The following FILIP1L variants were observed in gnomAD, a reference collection of about 807,000 sequenced individuals.
The protein encoded by FILIP1L is filamin A-interacting protein 1-like.
A neutral mutation model predicts 96.6 loss-of-function variants in FILIP1L; 55 were observed. That is an observed-to-expected ratio of 0.57 (90% CI 0.46 to 0.71). FILIP1L has a LOEUF of 0.71. Ranked by LOEUF, FILIP1L falls within the 30% of genes least tolerant of loss-of-function variation. FILIP1L has a pLI of 0.00. For synonymous variants in FILIP1L, 467 were observed against 473.9 expected (o/e 0.99, Z 0.19); for missense variants, 1,304 against 1,321.2 (o/e 0.99, Z 0.20).
At chr3:100,027,073 T>A (rs900606506) in intron 1 of FILIP1L, among the ~76,000 whole-genome samples, 1 of 152,166 alleles carries the variant, frequency 6.6e-6, no homozygotes, top group Non-Finnish European at 1.5e-5. Context: ...TGCATCCCTT[T>A]GCTTAAATGT....
At chr3:99,846,028 A>G (rs1301997142) in intron 5 of FILIP1L, among the ~76,000 whole-genome samples, 3 of 152,240 alleles carry the variant, frequency 2.0e-5, no homozygotes, top group African/African-American at 7.2e-5. Flanking sequence ...ACTTTATTAT[A>G]GAGAATTTCT....
chr3:99,853,659 G>A (rs1943815373), intron 4 of FILIP1L, among the ~76,000 whole-genome samples: 1 of 152,146 alleles, frequency 6.6e-6, no homozygotes. Flanking sequence ...TCTTTTTCAT[G>A]GTTTTTGTAA....
chr3:100,064,606 G>A (rs913041991), intron 1 of FILIP1L, among the ~76,000 whole-genome samples: 3 of 152,182 alleles, frequency 2.0e-5, no homozygotes, highest in African/African-American at 7.2e-5. Context: ...AGAAGGCCCT[G>A]GAGCAGAGGA....
chr3:99,923,587 A>T (rs1707191637), intron 4 of FILIP1L, among the ~76,000 whole-genome samples: 1 of 152,072 alleles, frequency 6.6e-6, no homozygotes, highest in African/African-American at 2.4e-5. Context: ...TCCCAACCTC[A>T]TGGCTGTTGG....
At chr3:99,990,728 G>A (rs1463714096) in intron 1 of FILIP1L, among the ~76,000 whole-genome samples, 5 of 151,768 alleles carry the variant, frequency 3.3e-5, no homozygotes, top group Non-Finnish European at 1.5e-5. Flanking sequence ...CCTATCAAGT[G>A]CCCACGGGAG....
In FILIP1L at chr3:100,114,473, G is replaced by T; in HGVS notation, c.-431C>A. 6.5e-6 allele frequency: 1 copy of T among 154,580 alleles called. No individual in the cohort carries two copies. The allele number at this position is 154,580 out of a possible 1,614,324, so 9.6% of individuals were successfully genotyped here. On this transcript the variant is annotated 5_prime_UTR_variant, in exon 1 of 6. Coordinates refer to ENST00000477258, the MANE Select transcript of FILIP1L (RefSeq NM_001387850.1). ...GCGCAGAGCAGACAAGTAGAGGCAG[G>T]CACAGGCTCCGTGAGCACGTCTGTG...
intron 3 of FILIP1L, among the ~76,000 whole-genome samples, chr3:99,929,401 C>T (rs1295967248): frequency 6.6e-6 from 1 of 152,106 alleles, no homozygotes; most frequent in Non-Finnish European, 1.5e-5. Flanking sequence ...AGATTATTTC[C>T]ATTCATGTTC....
intron 5 of FILIP1L, among the ~76,000 whole-genome samples, chr3:99,847,509 T>C (rs1384238473): frequency 6.6e-6 from 1 of 152,162 alleles, no homozygotes; most frequent in Non-Finnish European, 1.5e-5. Context: ...CAAATGTACT[T>C]TCTCTGGCTT....
chr3:100,081,768 C>T (rs1381134675), intron 1 of FILIP1L, among the ~76,000 whole-genome samples: 1 of 152,080 alleles, frequency 6.6e-6, no homozygotes, highest in African/African-American at 2.4e-5. Flanking sequence ...AATGTCTTTT[C>T]TTAGTTGTTT....
chr3:100,010,778 A>ATTTTTTTTTTTTTT (rs11371196), intron 1 of FILIP1L, among the ~76,000 whole-genome samples: 13 of 93,668 alleles, frequency 1.4e-4, no homozygotes, highest in African/African-American at 1.8e-4. Flanking sequence ...CCACGCCCGG[A>ATTTTTTTTTTTTTT]TTTTTTTTTT....
chr3:100,012,641 T>C (rs1419830502), intron 1 of FILIP1L, among the ~76,000 whole-genome samples: 1 of 152,142 alleles, frequency 6.6e-6, no homozygotes, highest in African/African-American at 2.4e-5. Context: ...TCAGTTCAGC[T>C]AAACTACCAT....
At chr3:99,920,218 A>C (rs1398571472) in intron 4 of FILIP1L, among the ~76,000 whole-genome samples, 2 of 152,254 alleles carry the variant, frequency 1.3e-5, no homozygotes, top group Non-Finnish European at 2.9e-5. Context: ...AGTTTGTTTT[A>C]GAATTCTAAG....
chr3:100,030,842 A>G (rs373417524), intron 1 of FILIP1L, among the ~76,000 whole-genome samples: 8 of 152,350 alleles, frequency 5.3e-5, no homozygotes, highest in African/African-American at 1.9e-4. Context: ...CTAATAAGGT[A>G]TAAGTGGTTT....
intron 1 of FILIP1L, among the ~76,000 whole-genome samples, chr3:99,966,838 C>T (rs543153171): frequency 3.2e-4 from 48 of 152,124 alleles, no homozygotes; most frequent in Non-Finnish European, 5.4e-4. Context: ...CGTACTTGAA[C>T]GACTTAGAGA....
chr3:99,916,437 TACACACACACACACAC>T (rs10529210), intron 4 of FILIP1L, among the ~76,000 whole-genome samples: 85 of 137,174 alleles, frequency 6.2e-4, no homozygotes, highest in African/African-American at 1.7e-3. Context: ...TAACGGTTTA[TACACACACACACACAC>T]ACACACACAC....
At chr3:99,970,182 T>C (rs1481268728) in intron 1 of FILIP1L, among the ~76,000 whole-genome samples, 1 of 152,238 alleles carries the variant, frequency 6.6e-6, no homozygotes, top group Non-Finnish European at 1.5e-5. Context: ...TGGGTTATCA[T>C]TTTGCAGCTG....
intron 1 of FILIP1L, among the ~76,000 whole-genome samples, chr3:99,959,545 A>C (rs867658844): frequency 6.6e-6 from 1 of 152,232 alleles, no homozygotes; most frequent in African/African-American, 2.4e-5. Flanking sequence ...AATTCATTAC[A>C]TGGGTTGTAT....
At chr3:99,977,486 G>A (rs1039854870) in intron 1 of FILIP1L, among the ~76,000 whole-genome samples, 8 of 152,076 alleles carry the variant, frequency 5.3e-5, no homozygotes, top group Non-Finnish European at 1.0e-4. Context: ...TATGAGAGAT[G>A]TCAAGGAAGA....
chr3:99,889,065 T>G (rs976339378), intron 4 of FILIP1L, among the ~76,000 whole-genome samples: 2 of 152,194 alleles, frequency 1.3e-5, no homozygotes, highest in African/African-American at 4.8e-5. Context: ...GTTCTCTATC[T>G]GCTTGAAGAT....
Sources: allele counts gnomAD v4.1 joint callset (sites outside exome capture counted in the v4.1 genomes callset), GRCh38; gene constraint gnomAD v4.1.1; transcripts MANE v1.5; gene names NCBI Gene and HGNC (gene_info 2026-07-23, HGNC 2026-07-21).